The following PSMB1 variants were observed in gnomAD, a reference collection of about 807,000 sequenced individuals.
The protein encoded by PSMB1 is proteasome 20S subunit beta 1.
Under a neutral mutation model 25.4 loss-of-function variants are expected in PSMB1, and 7 were observed. The ratio of observed to expected loss-of-function variants is 0.28; its 90% CI spans 0.16 to 0.52. PSMB1 has a LOEUF of 0.52. PSMB1 is among the 20% of genes least tolerant of loss of function. The probability of loss-of-function intolerance (pLI) is 0.97; values close to 1 mark genes in which losing one functional copy is unlikely to be tolerated. For synonymous variants in PSMB1, 119 were observed against 115.0 expected, an observed-to-expected ratio of 1.03 and a Z score of -0.22; for missense variants, 284 against 302.2, an observed-to-expected ratio of 0.94 and a Z score of 0.45.
At chr6:170,545,826 T>C (rs1289901063) in intron 3 of PSMB1, among the ~76,000 whole-genome samples, 2 of 152,094 alleles carry the variant, frequency 1.3e-5, no homozygotes, top group African/African-American at 4.8e-5. Context: ...GAAGAGTATC[T>C]TCAGAAGAAG....
intron 5 of PSMB1, chr6:170,536,273 G>A: frequency 2.4e-6 from 1 of 418,942 alleles, no homozygotes; most frequent in Non-Finnish European, 4.7e-6. Flanking sequence ...ACTATATGTA[G>A]ATACTAGCTA....
rs970325661 is a variant in PSMB1 at position 170,550,917 on chromosome 6, G to C, written c.114-1804C>G. 8.7e-4 allele frequency among the ~76,000 whole-genome samples: 103 copies of C among 117,728 alleles called. 6 individuals are homozygous for C. The highest frequency in any genetic ancestry group is 2.8e-3 in the African/African-American group (94 of 33,060). The allele number at this position is 117,728 out of a possible 152,430, so 77.2% of individuals were successfully genotyped here. On this transcript the variant is annotated intron_variant, in intron 1 of 5. Coordinates refer to ENST00000262193, the MANE Select transcript of PSMB1 (RefSeq NM_002793.4). ...TTTGGGAGGCTGAGGGGGGGGGGGGGGGTCAATTGCCTGAGATCAGGAGTT... is the reference window on the plus strand; with the variant it reads ...TTTGGGAGGCTGAGGGGGGGGGGGGCGGTCAATTGCCTGAGATCAGGAGTT...
At chr6:170,545,550 G>C (rs1416049245) in intron 3 of PSMB1, among the ~76,000 whole-genome samples, 1 of 152,180 alleles carries the variant, frequency 6.6e-6, no homozygotes, top group African/African-American at 2.4e-5. Context: ...AGGCAAAACA[G>C]AATGTGATCA....
intron 5 of PSMB1, among the ~76,000 whole-genome samples, chr6:170,535,945 T>A (rs1778685218): frequency 6.6e-6 from 1 of 152,134 alleles, no homozygotes. Context: ...TAGCTATATA[T>A]GACATCCTTC....
chr6:170,538,439 G>A (rs1173790445), intron 4 of PSMB1, among the ~76,000 whole-genome samples: 1 of 152,140 alleles, frequency 6.6e-6, no homozygotes, highest in African/African-American at 2.4e-5. Context: ...GGTGGCTCAC[G>A]CCTGTAATCC....
At chr6:170,537,489 C>T in intron 4 of PSMB1, 149 bp from the exon 5 acceptor site, 1 of 628,742 alleles carries the variant, frequency 1.6e-6, no homozygotes, top group Non-Finnish European at 2.9e-6. Flanking sequence ...CACTGTTGCA[C>T]TGGTGACAGC....
chr6:170,547,414 T>A (rs1469709505), intron 2 of PSMB1, among the ~76,000 whole-genome samples: 1 of 152,214 alleles, frequency 6.6e-6, no homozygotes, highest in African/African-American at 2.4e-5. Flanking sequence ...TCCTAGATCT[T>A]GATATGAATC....
intron 1 of PSMB1, among the ~76,000 whole-genome samples, chr6:170,552,305 G>A (rs1225919086): frequency 1.3e-5 from 2 of 152,290 alleles, no homozygotes; most frequent in African/African-American, 4.8e-5. Context: ...TATAACCACT[G>A]TTTCAATTTA....
At chr6:170,546,384 A>G (rs1207577724) in intron 2 of PSMB1, among the ~76,000 whole-genome samples, 200 bp from the exon 3 acceptor site, 1 of 152,216 alleles carries the variant, frequency 6.6e-6, no homozygotes, top group African/African-American at 2.4e-5. Context: ...CAAAGACTTT[A>G]AAAATGCGAC....
intron 1 of PSMB1, 141 bp from the exon 2 acceptor site, chr6:170,549,254 G>A (rs1778861587): frequency 2.0e-6 from 1 of 503,306 alleles, no homozygotes; most frequent in East Asian, 3.1e-5. Flanking sequence ...GGAAAGATGA[G>A]CGGGAAGAGA....
At chr6:170,538,080 T>G (rs1049534978) in intron 4 of PSMB1, among the ~76,000 whole-genome samples, 1 of 152,212 alleles carries the variant, frequency 6.6e-6, no homozygotes, top group Non-Finnish European at 1.5e-5. Flanking sequence ...TCTGGAAAGA[T>G]AAGTAACTGT....
At chr6:170,535,922 A>G (rs1227909753) in intron 5 of PSMB1, among the ~76,000 whole-genome samples, 3 of 152,226 alleles carry the variant, frequency 2.0e-5, no homozygotes, top group Non-Finnish European at 4.4e-5. Context: ...TCAATAAGCA[A>G]TAAGCAGAGG....
chr6:170,535,517 C>T (rs3823299), intron 5 of PSMB1, 112 bp from the exon 6 acceptor site: 402,899 of 888,274 alleles, frequency 0.45, 95,397 homozygotes, highest in East Asian at 0.78. Context: ...GAAAATACTA[C>T]ACAAAATTAA....
chr6:170,553,019 C>T (rs1233937369), intron 1 of PSMB1, 111 bp downstream of exon 1: 1 of 926,766 alleles, frequency 1.1e-6, no homozygotes, highest in East Asian at 2.7e-5. Flanking sequence ...GCTCAGGGTT[C>T]TGAGGCCTGC....
intron 4 of PSMB1, among the ~76,000 whole-genome samples, chr6:170,542,838 C>G (rs1778772613): frequency 6.6e-6 from 1 of 152,154 alleles, no homozygotes; most frequent in African/African-American, 2.4e-5. Flanking sequence ...CATCTAGACA[C>G]TTCTGTAACT....
At chr6:170,546,008 C>T (rs1778812310) in intron 3 of PSMB1, 95 bp downstream of exon 3, 19 of 1,038,316 alleles carry the variant, frequency 1.8e-5, no homozygotes, top group Non-Finnish European at 2.4e-5. Context: ...TAGTGACTCT[C>T]TAGCTATCTG....
chr6:170,539,582 G>C (rs140463784), intron 4 of PSMB1, among the ~76,000 whole-genome samples: 113 of 152,222 alleles, frequency 7.4e-4, no homozygotes, highest in Middle Eastern at 6.8e-3. Context: ...TGTTCAATAG[G>C]CAAAAAGATG....
At chr6:170,541,284 C>T (rs1191835986) in intron 4 of PSMB1, among the ~76,000 whole-genome samples, 1 of 151,964 alleles carries the variant, frequency 6.6e-6, no homozygotes, top group Non-Finnish European at 1.5e-5. Context: ...TTAAAGAAAT[C>T]TGAGCCAATT....
Position 170,547,134 on chromosome 6 carries a change from A to T in PSMB1, c.222-950T>A, listed in dbSNP as rs148947555. Among the ~76,000 whole-genome samples, 715 of 152,338 alleles carry T rather than the reference A, an allele frequency of 4.7e-3. 3 individuals are homozygous for T. Among genetic ancestry groups the T allele is most frequent in the African/African-American group, 0.017 (700 of 41,584 alleles). ...TAACTAAATGCTGGTGAGGTTGTGG[A>T]AACAGTATAAACTGATTAACCTGTT... On this transcript the variant is annotated intron_variant, in intron 2 of 5. Coordinates refer to ENST00000262193, the MANE Select transcript of PSMB1 (RefSeq NM_002793.4).
Sources: gnomAD v4.1 joint callset for allele counts (sites outside exome capture counted in the v4.1 genomes callset) on GRCh38, gnomAD v4.1.1 for gene constraint, MANE v1.5 for transcripts, NCBI Gene and HGNC (gene_info 2026-07-23, HGNC 2026-07-21) for gene names.